The following WDR43 variants were observed in gnomAD, a reference collection of about 807,000 sequenced individuals.
WDR43 encodes the protein WD repeat domain 43.
A neutral mutation model predicts 91.4 loss-of-function variants in WDR43; 13 were observed. That is an observed-to-expected ratio of 0.14 (90% CI 0.09 to 0.23). The LOEUF (loss-of-function observed/expected upper bound fraction) is 0.23. Among genes scored for constraint, WDR43 ranks in the 10% least tolerant of loss-of-function variants. WDR43 has a pLI of 1.00. For missense variants in WDR43, 780 were observed against 809.4 expected, an observed-to-expected ratio of 0.96 and a Z score of 0.44; for synonymous variants, 331 against 287.9, an observed-to-expected ratio of 1.15 and a Z score of -1.51.
At chr2:28,922,852 T>C in intron 6 of WDR43, 67 bp from the exon 7 acceptor site, 1 of 1,263,888 alleles carries the variant, frequency 7.9e-7, no homozygotes, top group Non-Finnish European at 1.1e-6. Context: ...AGCTGAGTTT[T>C]CATAAGGTAG....
At chr2:28,896,280 T>C (rs1670479957) in intron 1 of WDR43, among the ~76,000 whole-genome samples, 1 of 152,228 alleles carries the variant, frequency 6.6e-6, no homozygotes, top group Non-Finnish European at 1.5e-5. Context: ...TATTTGATTC[T>C]AGCCTCTGCT....
chr2:28,925,055 C>T lies in WDR43; in HGVS notation c.988C>T (p.Pro330Ser). The T allele has an allele frequency of 6.2e-7, 1 of 1,613,958 alleles. No homozygotes were observed. The highest frequency in any genetic ancestry group is 8.5e-7 in the Non-Finnish European group (1 of 1,179,872). ...ACCTGGGAAAGGCAAGAAGTCAACA[C>T]CAAAACCCATCCCTATTCTAGCTGC... ...ATPGKGKKST[P>S]KPIPILAAGF... Residue 330 changes from proline to serine, a missense_variant, in exon 8 of 18, where the codon CCA becomes TCA. Pro to Ser is a moderately conservative substitution (Grantham distance 74). This residue lies in a region of WDR43 where 426 missense variants were observed against 467.8 expected (regional missense o/e 0.91). Transcript: ENST00000407426.
chr2:28,924,548 A>G (rs1671093882), intron 7 of WDR43, among the ~76,000 whole-genome samples: 1 of 152,048 alleles, frequency 6.6e-6, no homozygotes, highest in Admixed American at 6.6e-5. Flanking sequence ...ATGTGAAGAG[A>G]GCCCCTAGAG....
chr2:28,931,892 T>TA lies in WDR43; in HGVS notation c.1437+2185dup, dbSNP rs199954264. 2.8e-4 allele frequency among the ~76,000 whole-genome samples: 31 copies of TA among 112,606 alleles called. No individual in the cohort carries two copies. In the South Asian group the frequency reaches 4.9e-3, roughly 18 times the overall value. 73.9% of individuals were successfully genotyped at this position (112,606 alleles called of 152,430 possible). The stretch of plus-strand genomic sequence containing the variant: ...CCCCGCCCTTTTTTTTTTTTTTTTT[T>TA]AAATGAGACAGGGTCTCACTCTGTC... On this transcript the variant is annotated intron_variant, in intron 11 of 17. Transcript: ENST00000407426.
chr2:28,918,870 T>C (rs551572469), intron 6 of WDR43, among the ~76,000 whole-genome samples: 1 of 152,334 alleles, frequency 6.6e-6, no homozygotes, highest in African/African-American at 2.4e-5. Context: ...GTTAAGGATA[T>C]TCACTTTTAA....
At chr2:28,906,627 A>G (rs772730855) in intron 3 of WDR43, 46 bp downstream of exon 3, 1 of 1,588,112 alleles carries the variant, frequency 6.3e-7, no homozygotes, top group Non-Finnish European at 8.6e-7. Context: ...ACGTGGATAA[A>G]TGCTGGACTT....
chr2:28,913,770 G>A (rs1454821799), intron 4 of WDR43: 2 of 571,742 alleles, frequency 3.5e-6, no homozygotes, highest in Non-Finnish European at 6.8e-6. Flanking sequence ...CTTTTAAAAT[G>A]GATAGAATTA....
chr2:28,895,728 T>C (rs1670467835), intron 1 of WDR43: 2 of 152,226 alleles, frequency 1.3e-5, no homozygotes, highest in Non-Finnish European at 2.9e-5. Flanking sequence ...TAGGGACCCG[T>C]GTCAGGTAAA....
chr2:28,918,322 G>A (rs1558375153), intron 6 of WDR43, among the ~76,000 whole-genome samples: 1 of 12,004 alleles, frequency 8.3e-5, no homozygotes, highest in Non-Finnish European at 1.8e-4. Context: ...CCTAACTAAG[G>A]TGTGTGTGTG....
chr2:28,926,511 T>G lies in WDR43; in HGVS notation c.1130T>G (p.Ile377Ser). The G allele has an allele frequency of 6.2e-7, 1 of 1,600,898 alleles. No homozygotes were observed. The highest frequency in any genetic ancestry group is 8.5e-7 in the Non-Finnish European group (1 of 1,172,902). Reference protein sequence around the residue: ...REPHMCLVRDISNCWAPKVET... With the variant: ...REPHMCLVRDSSNCWAPKVET... Reference sequence around the variant, plus strand: ...CCTCATATGTGTTTAGTAAGAGATATTTCAAACTGCTGGGCCCCCAAAGTA... The same window carrying G: ...CCTCATATGTGTTTAGTAAGAGATAGTTCAAACTGCTGGGCCCCCAAAGTA... The change falls in exon 9 of 18, where the codon ATT becomes AGT. Residue 377 changes from isoleucine to serine, a missense_variant. Transcript: ENST00000407426.
At chr2:28,919,663 AAAAC>A (rs887543129) in intron 6 of WDR43, among the ~76,000 whole-genome samples, 27 of 152,084 alleles carry the variant, frequency 1.8e-4, no homozygotes, top group African/African-American at 4.8e-4. Flanking sequence ...CTCAAAAAAA[AAAAC>A]AAACTAGTAG....
rs368557050 is a variant in WDR43 at position 28,894,943 on chromosome 2, G to A, written c.225+20G>A. 134 of 1,515,982 alleles carry A rather than the reference G, an allele frequency of 8.8e-5. No individual in the cohort carries two copies. The highest frequency in any genetic ancestry group is 1.1e-4 in the Non-Finnish European group (125 of 1,129,366). 93.9% of individuals were successfully genotyped at this position (1,515,982 alleles called of 1,614,324 possible). On this transcript the variant is annotated intron_variant, in intron 1 of 17. Transcript: ENST00000407426. Reference sequence around the variant, plus strand: ...GCCAAGGTAAAGCGAGCGGGACTGCGCGGGGCGGGCGCCTTCCCGGGCTCG... The same window carrying A: ...GCCAAGGTAAAGCGAGCGGGACTGCACGGGGCGGGCGCCTTCCCGGGCTCG...
In WDR43 at chr2:28,917,896, G is replaced by A. The variant is rs375927933; in HGVS notation, c.750G>A (p.Gln250=). The A allele has an allele frequency of 1.0e-5, 16 of 1,575,746 alleles. No individual in the cohort carries two copies. Among genetic ancestry groups the A allele is most frequent in the South Asian group, 5.9e-5 (5 of 85,448 alleles). ...AVHDRLLNVW[Q]VRSENKEKSA... is the part of the protein sequence containing the mutation. The stretch of plus-strand genomic sequence containing the variant: ...ACTTGCTGGTTTTGTTATCTAGGCA[G>A]GTCCGATCAGAAAACAAAGAAAAGA... The change falls in exon 6 of 18, where the codon CAG becomes CAA. Residue 250 remains glutamine, a synonymous_variant. Coordinates refer to ENST00000407426, the MANE Select transcript of WDR43 (RefSeq NM_015131.3).
chr2:28,937,417 T>TA (rs998432384), intron 13 of WDR43, among the ~76,000 whole-genome samples: 1 of 121,732 alleles, frequency 8.2e-6, no homozygotes, highest in Non-Finnish European at 1.9e-5. Context: ...AGTTTTTCTT[T>TA]AAAAATTTTT....
chr2:28,897,420 G>A (rs1670504629), intron 1 of WDR43, among the ~76,000 whole-genome samples: 1 of 152,108 alleles, frequency 6.6e-6, no homozygotes, highest in Non-Finnish European at 1.5e-5. Context: ...ATTTTGTTAA[G>A]GTCCTGCTAT....
rs74505304 is a variant in WDR43 at position 28,906,632 on chromosome 2, G to A, written c.485+51G>A. ...AATGCAATAGACGTGGATAAATGCT[G>A]GACTTGTGGGGAATGCAGACATTAA... On this transcript the variant is annotated intron_variant, in intron 3 of 17. Coordinates refer to ENST00000407426, the MANE Select transcript of WDR43 (RefSeq NM_015131.3). 8.6e-4 allele frequency: 1,347 copies of A among 1,573,636 alleles called. 14 individuals are homozygous for A. The African/African-American group carries it at 0.015, about 18-fold the overall frequency.
rs563265464 is a variant in WDR43 at position 28,922,082 on chromosome 2, C to T, written c.850-837C>T. 7.9e-5 allele frequency among the ~76,000 whole-genome samples: 12 copies of T among 152,292 alleles called. No individual in the cohort carries two copies. The East Asian group carries it at 2.3e-3, about 29-fold the overall frequency. ...TTTTCTTTAATAAAATCTCTCCTTT[C>T]TGAGATTTCTTATTTTTAAATACAC... On this transcript the variant is annotated intron_variant, in intron 6 of 17. Coordinates refer to ENST00000407426, the MANE Select transcript of WDR43 (RefSeq NM_015131.3).
intron 1 of WDR43, chr2:28,895,302 C>CT (rs987319154): frequency 5.3e-5 from 10 of 188,666 alleles, no homozygotes; most frequent in Admixed American, 4.9e-4. Context: ...TTGGGACTAT[C>CT]TAACTTTCCT....
rs1349974519 is a variant in WDR43, at chr2:28,927,619, T to A, written c.1224T>A (p.Ile408=). ...NSEAKVLVPG[I]PGHHAAIKPA... ...AAGCAAAAGTTCTGGTGCCTGGGAT[T>A]CCTGGTCATCATGCAGCTATCAAGC... Residue 408 remains isoleucine (I), a synonymous_variant, in exon 10 of 18, where the codon ATT becomes ATA. Transcript: ENST00000407426. 2 of 1,613,912 alleles carry A rather than the reference T, an allele frequency of 1.2e-6. No homozygotes were observed. The highest frequency in any genetic ancestry group is 1.7e-6 in the Non-Finnish European group (2 of 1,179,846).
Sources: allele counts gnomAD v4.1 joint callset (sites outside exome capture counted in the v4.1 genomes callset), GRCh38; gene constraint gnomAD v4.1.1; regional missense constraint gnomAD v4.1.1; transcripts MANE v1.5; gene names NCBI Gene and HGNC (gene_info 2026-07-23, HGNC 2026-07-21).